PPP4R1: variants seen among roughly 807,000 people sequenced by gnomAD.
PPP4R1 encodes the protein protein phosphatase 4 regulatory subunit 1, also known as serine/threonine-protein phosphatase 4 regulatory subunit 1.
A neutral mutation model predicts 111.2 loss-of-function variants in PPP4R1; 42 were observed. The ratio of observed to expected loss-of-function variants is 0.38; its 90% CI spans 0.29 to 0.49. PPP4R1 has a LOEUF of 0.49. Among genes scored for constraint, PPP4R1 ranks in the 20% least tolerant of loss-of-function variants. PPP4R1 has a pLI of 0.97. For synonymous variants in PPP4R1, 409 were observed against 405.5 expected (o/e 1.01, Z -0.10); for missense variants, 1,012 against 1,161.6 (o/e 0.87, Z 1.87).
intron 10 of PPP4R1, among the ~76,000 whole-genome samples, chr18:9,571,802 T>C (rs139610004): frequency 9.3e-4 from 141 of 152,346 alleles, no homozygotes; most frequent in African/African-American, 3.2e-3. Flanking sequence ...GGATGAAAGA[T>C]ATCACATGAA....
At chr18:9,568,283 C>T (rs1369877985) in intron 11 of PPP4R1, among the ~76,000 whole-genome samples, 1 of 152,146 alleles carries the variant, frequency 6.6e-6, no homozygotes, top group Non-Finnish European at 1.5e-5. Context: ...CCTCAGCCTC[C>T]CAGGTAGCTG....
chr18:9,553,412 A>C lies in PPP4R1; in HGVS notation c.2201T>G (p.Ile734Ser), dbSNP rs772827967. ...ATAAAGATATTCTCTTCTTTTGTCA[A>C]TATGAAGAAGCTAAAGTAACAAAAT... ...HLHDFLKLLHIDKRREYLYQL... is the reference protein window; with the variant it reads ...HLHDFLKLLHSDKRREYLYQL... The change falls in exon 16 of 20, where the codon ATT (isoleucine) becomes AGT (serine). Residue 734 changes from isoleucine (I) to serine (S), a missense_variant. Ile to Ser is a moderately radical substitution (Grantham distance 142, BLOSUM62 -2). Around this residue, in one of 2 missense-constraint regions of PPP4R1, gnomAD observed 305 missense variants for 419.5 expected, o/e 0.73. Coordinates refer to ENST00000400556, the MANE Select transcript of PPP4R1 (RefSeq NM_001042388.3). 2.6e-6 allele frequency: 4 copies of C among 1,567,834 alleles called. No individual in the cohort carries two copies. The highest frequency in any genetic ancestry group is 1.4e-5 in the African/African-American group (1 of 73,836).
In PPP4R1 at chr18:9,577,137, G is replaced by T. The variant is rs2066949081; in HGVS notation, c.973C>A (p.Pro325Thr). The change falls in exon 10 of 20, where the codon CCA becomes ACA. Residue 325 changes from proline (P) to threonine (T), a missense_variant. Physicochemically the swap from Pro to Thr is conservative, Grantham distance 38. This residue lies in a region of PPP4R1 where 707 missense variants were observed against 742.1 expected (regional missense o/e 0.95). Coordinates refer to ENST00000400556, the MANE Select transcript of PPP4R1 (RefSeq NM_001042388.3). ...LGPFISTFANPSSSGQYFKEE... is the reference protein window; with the variant it reads ...LGPFISTFANTSSSGQYFKEE... ...TTAAAATACTGGCCTGAGCTAGATGGATTAGCAAAAGTAGATATGAAAGGT... is the reference window on the plus strand; with the variant it reads ...TTAAAATACTGGCCTGAGCTAGATGTATTAGCAAAAGTAGATATGAAAGGT... The T allele has an allele frequency of 1.2e-6, 2 of 1,608,444 alleles. No individual in the cohort carries two copies. Among genetic ancestry groups the T allele is most frequent in the South Asian group, 2.2e-5 (2 of 90,256 alleles).
intron 3 of PPP4R1, 53 bp downstream of exon 3, chr18:9,594,965 G>GT (rs1401839229): frequency 1.3e-6 from 2 of 1,585,298 alleles, no homozygotes; most frequent in African/African-American, 2.7e-5. Flanking sequence ...CCCTACTGAA[G>GT]TTAATAAAAC....
intron 13 of PPP4R1, among the ~76,000 whole-genome samples, chr18:9,560,400 A>G (rs992656607): frequency 8.6e-5 from 9 of 105,260 alleles, no homozygotes; most frequent in African/African-American, 3.0e-4. Flanking sequence ...CATATTTGCA[A>G]TCTTGCTTAG....
chr18:9,553,208 A>G, intron 16 of PPP4R1, 114 bp downstream of exon 16: 2 of 778,332 alleles, frequency 2.6e-6, no homozygotes, highest in Non-Finnish European at 4.1e-6. Context: ...AAAGGGCTAG[A>G]ATACCACATA....
intron 10 of PPP4R1, among the ~76,000 whole-genome samples, chr18:9,573,265 AT>A (rs2145129967): frequency 6.6e-6 from 1 of 152,338 alleles, no homozygotes; most frequent in South Asian, 2.1e-4. Flanking sequence ...TAATTTCCTA[AT>A]TTTGGTAACT....
chr18:9,603,142 TGTTTTTAATA>T (rs1440177143), intron 2 of PPP4R1, among the ~76,000 whole-genome samples: 1 of 152,232 alleles, frequency 6.6e-6, no homozygotes, highest in African/African-American at 2.4e-5. Flanking sequence ...GGAAACCATG[TGTTTTTAATA>T]GTTTTCATTC....
At chr18:9,549,073 T>C in intron 19 of PPP4R1, 124 bp downstream of exon 19, 1 of 1,256,640 alleles carries the variant, frequency 8.0e-7, no homozygotes, top group Non-Finnish European at 1.1e-6. Context: ...AACTAAAGTA[T>C]TTCCTTCCAC....
chr18:9,588,134 C>A lies in PPP4R1; in HGVS notation c.540G>T (p.Leu180=). Residue 180 remains leucine (L), a synonymous_variant, in exon 6 of 20, where the codon CTG becomes CTT. Coordinates refer to ENST00000400556, the MANE Select transcript of PPP4R1 (RefSeq NM_001042388.3). The stretch of plus-strand genomic sequence containing the variant: ...CATCATCATTGCTATCTGGGGCTGT[C>A]AGCTCTATGAGGACAGGGCACACTT... ...ETKVCPVLIE[L]TAPDSNDDVK... is the part of the protein sequence containing the mutation. 6.2e-7 allele frequency: 1 copy of A among 1,614,162 alleles called. No individual in the cohort carries two copies. Among genetic ancestry groups the A allele is most frequent in the South Asian group, 1.1e-5 (1 of 91,070 alleles).
At position 9,547,048 on chromosome 18, in the gene PPP4R1, T is replaced by C. The variant is rs1343329632; in HGVS notation, c.*741A>G. The stretch of plus-strand genomic sequence containing the variant: ...ATGTGAAGAAGTTGCACCTCAGAGC[T>C]GATCATGATCAAGTTAAAAACACCA... On this transcript the variant is annotated 3_prime_UTR_variant, in exon 20 of 20. Transcript: ENST00000400556. The C allele has an allele frequency of 6.6e-6, 1 of 152,656 alleles. No homozygotes were observed. The highest frequency in any genetic ancestry group is 1.9e-4 in the East Asian group (1 of 5,202). 9.5% of individuals were successfully genotyped at this position (152,656 alleles called of 1,614,324 possible). A position where few individuals can be genotyped will look rare whatever the true frequency, so the allele number is the denominator to read the frequency against.
Position 9,582,985 on chromosome 18 carries a change from A to T in PPP4R1, c.918+132T>A, listed in dbSNP as rs1200885785. 1.2e-5 allele frequency: 10 copies of T among 866,546 alleles called. No homozygotes were observed. The East Asian group carries it at 3.2e-4, about 28-fold the overall frequency. 53.7% of individuals were successfully genotyped at this position (866,546 alleles called of 1,614,324 possible). A position where few individuals can be genotyped will look rare whatever the true frequency, so the allele number is the denominator to read the frequency against. On this transcript the variant is annotated intron_variant, in intron 9 of 19. Transcript: ENST00000400556. ...AAACTGTTAATATAGTAGTCTTTCT[A>T]CTGTCTATTCCTAAAAGTATAAAAA...
intron 19 of PPP4R1, 149 bp downstream of exon 19, chr18:9,549,048 G>A (rs2066446081): frequency 9.9e-7 from 1 of 1,014,702 alleles, no homozygotes; most frequent in Admixed American, 2.1e-5. Context: ...GCCCTCTTGG[G>A]AGAATCACCG....
At chr18:9,570,057 C>T (rs1043035771) in intron 11 of PPP4R1, 100 bp downstream of exon 11, 62 of 1,311,430 alleles carry the variant, frequency 4.7e-5, no homozygotes, top group Non-Finnish European at 5.7e-5. Context: ...GTCCATAATA[C>T]ATTATTAAAT....
At chr18:9,574,992 A>T (rs1414843826) in intron 10 of PPP4R1, among the ~76,000 whole-genome samples, 1 of 152,260 alleles carries the variant, frequency 6.6e-6, no homozygotes, top group African/African-American at 2.4e-5. Flanking sequence ...CTTTATCAGC[A>T]CTTTCAAAGA....
intron 11 of PPP4R1, among the ~76,000 whole-genome samples, chr18:9,565,807 T>C (rs979498162): frequency 6.6e-6 from 1 of 152,204 alleles, no homozygotes; most frequent in East Asian, 1.9e-4. Flanking sequence ...CTCCATAACA[T>C]AGAAGTGCAA....
Position 9,595,111 on chromosome 18 carries a change from A to G in PPP4R1, c.95T>C (p.Ile32Thr). Residue 32 changes from isoleucine to threonine, a missense_variant, in exon 3 of 20, where the codon ATA becomes ACA. Ile to Thr is a moderately conservative substitution (Grantham distance 89). Around this residue, in one of 2 missense-constraint regions of PPP4R1, gnomAD observed 707 missense variants for 742.1 expected, o/e 0.95. Transcript: ENST00000400556. ...DYSSESDVIIIPSALDFVSQD... is the reference protein window; with the variant it reads ...DYSSESDVIITPSALDFVSQD... ...TGAGACAAAGTCCAGGGCTGAAGGT[A>G]TAATAATCACATCAGACTCTGAGCT... The G allele has an allele frequency of 1.9e-6, 3 of 1,613,910 alleles. No individual in the cohort carries two copies. Among genetic ancestry groups the G allele is most frequent in the Non-Finnish European group, 2.5e-6 (3 of 1,179,848 alleles).
rs183839970 is a variant in PPP4R1 at position 9,600,159 on chromosome 18, G to A, written c.53-5006C>T. Among the ~76,000 whole-genome samples, 783 of 143,690 alleles carry A rather than the reference G, an allele frequency of 5.4e-3. 9 individuals are homozygous for A. The highest frequency in any genetic ancestry group is 0.031 in the Admixed American group (438 of 14,006). 94.3% of individuals were successfully genotyped at this position (143,690 alleles called of 152,430 possible). ...CATACAAAGGGAGTGTTCCACTCTG[G>A]TACAGACACTGGTGACAAATGTTCA... On this transcript the variant is annotated intron_variant, in intron 2 of 19. Coordinates refer to ENST00000400556, the MANE Select transcript of PPP4R1 (RefSeq NM_001042388.3).
chr18:9,600,717 A>G (rs1004126242), intron 2 of PPP4R1, among the ~76,000 whole-genome samples: 1 of 152,120 alleles, frequency 6.6e-6, no homozygotes, highest in African/African-American at 2.4e-5. Flanking sequence ...CATCTCTATA[A>G]AAGATACAAA....
Sources: allele counts gnomAD v4.1 joint callset (sites outside exome capture counted in the v4.1 genomes callset), GRCh38; gene constraint gnomAD v4.1.1; regional missense constraint gnomAD v4.1.1; transcripts MANE v1.5; gene names NCBI Gene and HGNC (gene_info 2026-07-23, HGNC 2026-07-21).